The following KIRREL3 variants were observed in gnomAD, a reference collection of about 807,000 sequenced individuals.
KIRREL3 encodes kirre like nephrin family adhesion molecule 3, also known as kin of IRRE-like protein 3.
KIRREL3 carries 36 observed loss-of-function variants against 89.7 expected under a neutral mutation model. That is an observed-to-expected ratio of 0.40 (90% CI 0.31 to 0.53). The LOEUF is 0.53. KIRREL3 is among the 20% of genes least tolerant of loss of function. KIRREL3 has a pLI of 0.49. For missense variants in KIRREL3, 864 were observed against 1,056.6 expected (o/e 0.82, Z 2.53); for synonymous variants, 445 against 441.4 (o/e 1.01, Z -0.10).
At position 126,521,549 on chromosome 11, in the gene KIRREL3, G is replaced by T; in HGVS notation, c.284-85C>A. ...AAGAGGCACAGAATGGAGGACCCAA[G>T]CAGGGGCCATTCTACAAGGCTGGCA... is the stretch of plus-strand genomic sequence containing the variant. On this transcript the variant is annotated intron_variant, in intron 3 of 16. Transcript: ENST00000525144. This position sits in a 1 kb window ranked among gnomAD's most constrained non-coding sequence, Gnocchi z 4.1. The T allele has an allele frequency of 8.0e-7, 1 of 1,248,520 alleles. No individual in the cohort carries two copies. The highest frequency in any genetic ancestry group is 1.1e-6 in the Non-Finnish European group (1 of 908,678). 77.3% of individuals were successfully genotyped at this position (1,248,520 alleles called of 1,614,324 possible). A position where few individuals can be genotyped will look rare whatever the true frequency, so the allele number is the denominator to read the frequency against.
Position 126,509,705 on chromosome 11 carries a change from C to A in KIRREL3, c.433+11610G>T, listed in dbSNP as rs975419747. On this transcript the variant is annotated intron_variant, in intron 4 of 16. Transcript: ENST00000525144. ...ACAGAGGCACCAACATATCTCAGCA[C>A]TCAAATTGGGCCCAGCGTGGTAGCT... Among the ~76,000 whole-genome samples the A allele has an allele frequency of 3.3e-5, 5 of 152,212 alleles. No homozygotes were observed. In the South Asian group the frequency reaches 1.0e-3, roughly 32 times the overall value.
chr11:126,813,960 A>T (rs1022120031), intron 1 of KIRREL3, among the ~76,000 whole-genome samples: 3 of 152,226 alleles, frequency 2.0e-5, no homozygotes, highest in African/African-American at 7.2e-5. Context: ...AGAAACTATC[A>T]TCAGAGTAAA....
chr11:126,536,232 G>A (rs665144), intron 2 of KIRREL3, among the ~76,000 whole-genome samples: 68,744 of 151,876 alleles, frequency 0.45, 16,378 homozygotes, highest in East Asian at 0.86. Flanking sequence ...TCGTCTTTGG[G>A]GTCCAAAGGC....
At chr11:126,440,796 T>C in intron 10 of KIRREL3, 1 of 575,486 alleles carries the variant, frequency 1.7e-6, no homozygotes. Flanking sequence ...CAAATAACTG[T>C]AATAAAAGGT....
chr11:126,900,659 T>C lies in KIRREL3; in HGVS notation c.55+99796A>G, dbSNP rs538141276. Among the ~76,000 whole-genome samples the C allele has an allele frequency of 1.3e-3, 200 of 152,364 alleles. 1 individual carries two copies. The highest frequency in any genetic ancestry group is 4.6e-3 in the African/African-American group (192 of 41,582). ...GCCTTTCAGCAAAGCCCAGGCATCTTTTAAAGTCAAACTTTAAAGTATAAT... is the reference window on the plus strand; with the variant it reads ...GCCTTTCAGCAAAGCCCAGGCATCTCTTAAAGTCAAACTTTAAAGTATAAT... On this transcript the variant is annotated intron_variant, in intron 1 of 16. Coordinates refer to ENST00000525144, the MANE Select transcript of KIRREL3 (RefSeq NM_032531.4). This position sits in a 1 kb window ranked among gnomAD's most constrained non-coding sequence, Gnocchi z 4.4.
intron 1 of KIRREL3, among the ~76,000 whole-genome samples, chr11:126,815,787 G>A (rs539365811): frequency 7.4e-4 from 112 of 152,188 alleles, no homozygotes; most frequent in Admixed American, 2.3e-3. Context: ...TGCCCACCTC[G>A]GCCTCCCAAA....
In KIRREL3 at chr11:126,527,741, T is replaced by C. The variant is rs982468306; in HGVS notation, c.134-1054A>G. On this transcript the variant is annotated intron_variant, in intron 2 of 16. Transcript: ENST00000525144. The surrounding 1 kb of genome is among the most constrained non-coding windows in gnomAD (Gnocchi z 4.2). ...GGGTTAACTGAATTGCCCAGGGAAC[T>C]GTCTAGTGGGAGTTGGGGTGGGTGG... Among the ~76,000 whole-genome samples, 3 of 152,076 alleles carry C rather than the reference T, an allele frequency of 2.0e-5. No individual in the cohort carries two copies. Among genetic ancestry groups the C allele is most frequent in the African/African-American group, 7.2e-5 (3 of 41,400 alleles).
chr11:126,847,048 C>T (rs1391303294), intron 1 of KIRREL3, among the ~76,000 whole-genome samples: 3 of 152,174 alleles, frequency 2.0e-5, no homozygotes, highest in Non-Finnish European at 4.4e-5. Flanking sequence ...TTATGAAGAT[C>T]TTACCTTATG....
In KIRREL3 at chr11:126,424,049, CTTGTCAGCCTCCAGGGTA is replaced by C; in HGVS notation, c.*513_*530del. The stretch of plus-strand genomic sequence containing the variant: ...CTCCTTTAGCCAAGGCCATTTCTGG[CTTGTCAGCCTCCAGGGTA>C]TGGGCTATGAGCAGCAGTGGGGAGC... On this transcript the variant is annotated 3_prime_UTR_variant, in exon 17 of 17. Coordinates refer to ENST00000525144, the MANE Select transcript of KIRREL3 (RefSeq NM_032531.4). 6.3e-6 allele frequency: 1 copy of C among 159,472 alleles called. No homozygotes were observed. Among genetic ancestry groups the C allele is most frequent in the East Asian group, 1.8e-4 (1 of 5,502 alleles). The allele number at this position is 159,472 out of a possible 1,614,324, so 9.9% of individuals were successfully genotyped here.
rs1237391144 is a variant in KIRREL3 at position 126,897,207 on chromosome 11, C to T, written c.55+103248G>A. On this transcript the variant is annotated intron_variant, in intron 1 of 16. Coordinates refer to ENST00000525144, the MANE Select transcript of KIRREL3 (RefSeq NM_032531.4). The surrounding 1 kb of genome is among the most constrained non-coding windows in gnomAD (Gnocchi z 4.2). ...ATGGGGAAGGGCAGCAATTTGGCCC[C>T]AGGACACCAGGTTGGTGGCAGAACC... Among the ~76,000 whole-genome samples, 2 of 152,200 alleles carry T rather than the reference C, an allele frequency of 1.3e-5. No individual in the cohort carries two copies. Among genetic ancestry groups the T allele is most frequent in the Admixed American group, 6.5e-5 (1 of 15,290 alleles).
In KIRREL3 at chr11:126,744,036, G is replaced by A. The variant is rs1949063552; in HGVS notation, c.56-181124C>T. Reference sequence around the variant, plus strand: ...TAGATTTGGGCCTTAGCAATGGGCAGAATTTTGATAAGCAGAAAAGAAGAG... The same window carrying A: ...TAGATTTGGGCCTTAGCAATGGGCAAAATTTTGATAAGCAGAAAAGAAGAG... On this transcript the variant is annotated intron_variant, in intron 1 of 16. Coordinates refer to ENST00000525144, the MANE Select transcript of KIRREL3 (RefSeq NM_032531.4). This position sits in a 1 kb window ranked among gnomAD's most constrained non-coding sequence, Gnocchi z 4.7. Among the ~76,000 whole-genome samples the A allele has an allele frequency of 1.3e-5, 2 of 152,182 alleles. No individual in the cohort carries two copies. The highest frequency in any genetic ancestry group is 2.9e-5 in the Non-Finnish European group (2 of 68,048).
intron 1 of KIRREL3, among the ~76,000 whole-genome samples, chr11:126,588,581 C>T (rs904084865): frequency 9.2e-5 from 14 of 152,144 alleles, no homozygotes; most frequent in Admixed American, 3.3e-4. Flanking sequence ...AAGCCTTGCA[C>T]GCGCCCTGGG....
At position 126,484,618 on chromosome 11, in the gene KIRREL3, A is replaced by G. The variant is rs1330076055; in HGVS notation, c.434-11152T>C. Among the ~76,000 whole-genome samples, 1 of 152,208 alleles carries G rather than the reference A, an allele frequency of 6.6e-6. No homozygotes were observed. Among genetic ancestry groups the G allele is most frequent in the African/African-American group, 2.4e-5 (1 of 41,446 alleles). ...TTAAATGTAAATTTCAGATAAATTA[A>G]AAAATGGTAGTGTAAGTATGTTTAT... On this transcript the variant is annotated intron_variant, in intron 4 of 16. Coordinates refer to ENST00000525144, the MANE Select transcript of KIRREL3 (RefSeq NM_032531.4). The surrounding 1 kb of genome is among the most constrained non-coding windows in gnomAD (Gnocchi z 5.2).
chr11:126,863,569 TTGAC>T (rs1472090568), intron 1 of KIRREL3, among the ~76,000 whole-genome samples: 17 of 94,660 alleles, frequency 1.8e-4, no homozygotes, highest in Middle Eastern at 0.01. Flanking sequence ...GTGAGTGTGT[TTGAC>T]TGCGTGTGAG....
chr11:126,611,462 T>C lies in KIRREL3; in HGVS notation c.56-48550A>G, dbSNP rs904565364. On this transcript the variant is annotated intron_variant, in intron 1 of 16. Coordinates refer to ENST00000525144, the MANE Select transcript of KIRREL3 (RefSeq NM_032531.4). This position sits in a 1 kb window ranked among gnomAD's most constrained non-coding sequence, Gnocchi z 4.7. The stretch of plus-strand genomic sequence containing the variant: ...TATGCACACACATGCATGGAAGCTA[T>C]ATTCCTCCTTCATACTGGACTTTGA... 6.6e-6 allele frequency among the ~76,000 whole-genome samples: 1 copy of C among 152,210 alleles called. No homozygotes were observed. Among genetic ancestry groups the C allele is most frequent in the Non-Finnish European group, 1.5e-5 (1 of 68,034 alleles).
At chr11:126,672,289 G>C (rs533236947) in intron 1 of KIRREL3, among the ~76,000 whole-genome samples, 25 of 152,296 alleles carry the variant, frequency 1.6e-4, no homozygotes, top group South Asian at 1.2e-3. Flanking sequence ...CCTAAAGTTG[G>C]GAGGGTATGT....
intron 1 of KIRREL3, among the ~76,000 whole-genome samples, chr11:126,982,527 G>A (rs1279645010): frequency 1.3e-5 from 2 of 152,182 alleles, no homozygotes; most frequent in Admixed American, 1.3e-4. Flanking sequence ...AACAATGAGT[G>A]GCATCTAATG....
At chr11:126,842,845 C>T (rs1592209705) in intron 1 of KIRREL3, among the ~76,000 whole-genome samples, 2 of 152,194 alleles carry the variant, frequency 1.3e-5, no homozygotes, top group South Asian at 2.1e-4. Context: ...AACACTGGGC[C>T]GACCATGAGT....
Position 126,736,767 on chromosome 11 carries a change from G to A in KIRREL3, c.56-173855C>T, listed in dbSNP as rs1948814269. 1.3e-5 allele frequency among the ~76,000 whole-genome samples: 2 copies of A among 152,248 alleles called. No individual in the cohort carries two copies. The highest frequency in any genetic ancestry group is 4.1e-4 in the South Asian group (2 of 4,820). The stretch of plus-strand genomic sequence containing the variant: ...TGATTTTACAGATAAGAAAACCCGG[G>A]TGTGGGTAAGGTTAAAGGTCATGCT... On this transcript the variant is annotated intron_variant, in intron 1 of 16. Coordinates refer to ENST00000525144, the MANE Select transcript of KIRREL3 (RefSeq NM_032531.4). The surrounding 1 kb of genome is among the most constrained non-coding windows in gnomAD (Gnocchi z 5.0).
Sources: allele counts gnomAD v4.1 joint callset (sites outside exome capture counted in the v4.1 genomes callset), GRCh38; gene constraint gnomAD v4.1.1; non-coding constraint Gnocchi (gnomAD v3.1); transcripts MANE v1.5; gene names NCBI Gene and HGNC (gene_info 2026-07-23, HGNC 2026-07-21).